Variants in MARCHF8 observed in about 807,000 individuals in gnomAD.
MARCHF8 encodes the protein E3 ubiquitin-protein ligase MARCHF8.
A neutral mutation model predicts 51.6 loss-of-function variants in MARCHF8; 40 were observed. The observed-to-expected ratio is 0.77, with a 90% CI of 0.60 to 1.01. The LOEUF is 1.01. MARCHF8 is among the 50% of genes least tolerant of loss of function. MARCHF8 has a pLI of 0.00. For synonymous variants in MARCHF8, 263 were observed against 280.3 expected, an observed-to-expected ratio of 0.94 and a Z score of 0.62; for missense variants, 685 against 708.6, an observed-to-expected ratio of 0.97 and a Z score of 0.38.
At chr10:45,567,579 C>T (rs1280354582) in intron 1 of MARCHF8, among the ~76,000 whole-genome samples, 1 of 152,104 alleles carries the variant, frequency 6.6e-6, no homozygotes, top group Non-Finnish European at 1.5e-5. Context: ...CAAAAATGAG[C>T]TCACTGTACG....
rs543575456 is a variant in MARCHF8 at position 45,528,492 on chromosome 10, C to G, written c.102+4618G>C. ...TTTGTTTGTTTTTGAAACGGTCTCA[C>G]TCTGTTACCCAGGCTGGAGCACAGT... On this transcript the variant is annotated intron_variant, in intron 2 of 7. Coordinates refer to ENST00000453424, the MANE Select transcript of MARCHF8 (RefSeq NM_001282866.2). Among the ~76,000 whole-genome samples, 15 of 152,290 alleles carry G rather than the reference C, an allele frequency of 9.8e-5. No individual in the cohort carries two copies. The South Asian group carries it at 3.1e-3, about 32-fold the overall frequency.
chr10:45,535,461 G>A (rs1220372809), upstream of MARCHF8: 1 of 152,152 alleles, frequency 6.6e-6, no homozygotes, highest in Admixed American at 6.5e-5. Context: ...GGCTATTTAT[G>A]GCACAGAAAC....
rs201393599 is a variant in MARCHF8, at chr10:45,463,383, G to A, written c.856C>T (p.Arg286Cys). ...CTGGAGGACTTGGCAGTGTGCAGGCGAGCAGCGCAGCTCTCCAGCTCATGG... is the reference window on the plus strand; with the variant it reads ...CTGGAGGACTTGGCAGTGTGCAGGCAAGCAGCGCAGCTCTCCAGCTCATGG... The part of the protein sequence containing the change: ...RFHELESCAA[R>C]LHTAKSSSGL... The change falls in exon 5 of 8, where the codon CGC becomes TGC. Residue 286 changes from arginine to cysteine, a missense_variant. Arg to Cys is a radical substitution (Grantham distance 180). Transcript: ENST00000453424. 8.2e-5 allele frequency: 127 copies of A among 1,550,572 alleles called. 1 individual carries two copies. The highest frequency in any genetic ancestry group is 8.0e-4 in the Admixed American group (41 of 50,994).
intron 1 of MARCHF8, among the ~76,000 whole-genome samples, chr10:45,561,672 G>A (rs574654429): frequency 1.8e-4 from 27 of 150,846 alleles, no homozygotes; most frequent in African/African-American, 5.6e-4. Context: ...AGGCTGAGGC[G>A]GGCAGATCAC....
rs902794189 is a variant in MARCHF8 at position 45,482,325 on chromosome 10, T to C, written c.153+7042A>G. Among the ~76,000 whole-genome samples the C allele has an allele frequency of 5.3e-5, 8 of 152,010 alleles. No individual in the cohort carries two copies. In the East Asian group the frequency reaches 9.6e-4, roughly 18 times the overall value. On this transcript the variant is annotated intron_variant, in intron 3 of 7. Transcript: ENST00000453424. Reference sequence around the variant, plus strand: ...AACAGAAAAAACAATCCTAAAACCATATGGAACCAAAAAAGAGCACAAATA... The same window carrying C: ...AACAGAAAAAACAATCCTAAAACCACATGGAACCAAAAAAGAGCACAAATA...
chr10:45,486,089 C>T (rs146253216), intron 3 of MARCHF8, among the ~76,000 whole-genome samples: 12 of 152,316 alleles, frequency 7.9e-5, no homozygotes, highest in African/African-American at 2.4e-4. Flanking sequence ...TAACTATCTT[C>T]GTTACAAAAG....
At chr10:45,530,762 G>C (rs2043865687) in intron 2 of MARCHF8, among the ~76,000 whole-genome samples, 1 of 152,122 alleles carries the variant, frequency 6.6e-6, no homozygotes, top group Admixed American at 6.5e-5. Context: ...AACAGAGCAA[G>C]ATCTGTACTC....
chr10:45,558,464 A>G (rs2044275846), intron 1 of MARCHF8, among the ~76,000 whole-genome samples: 1 of 152,250 alleles, frequency 6.6e-6, no homozygotes, highest in South Asian at 2.1e-4. Flanking sequence ...AATTAAAGGC[A>G]TTCTCAAAAG....
At chr10:45,484,959 A>C (rs181613923) in intron 3 of MARCHF8, among the ~76,000 whole-genome samples, 41 of 151,236 alleles carry the variant, frequency 2.7e-4, no homozygotes, top group Admixed American at 1.1e-3. Context: ...GAGAAGCATT[A>C]GGAATTCTAC....
At chr10:45,575,891 A>T (rs1290189160) in intron 1 of MARCHF8, among the ~76,000 whole-genome samples, 1 of 151,964 alleles carries the variant, frequency 6.6e-6, no homozygotes, top group Non-Finnish European at 1.5e-5. Flanking sequence ...CCCAATGAAC[A>T]CCTTGTGACC....
rs1309738056 is a variant in MARCHF8 at position 45,528,466 on chromosome 10, CTTTG to C, written c.102+4640_102+4643del. Among the ~76,000 whole-genome samples the C allele has an allele frequency of 4.4e-3, 674 of 151,818 alleles. 3 individuals carry two copies. The highest frequency in any genetic ancestry group is 0.015 in the African/African-American group (632 of 41,434). ...TCTTTTGTTTAGTTGGGGTTTGTTT[CTTTG>C]TTTGTTTTTGAAACGGTCTCACTCT... On this transcript the variant is annotated intron_variant, in intron 2 of 7. Coordinates refer to ENST00000453424, the MANE Select transcript of MARCHF8 (RefSeq NM_001282866.2).
At chr10:45,501,777 T>A (rs78369196) in intron 2 of MARCHF8, among the ~76,000 whole-genome samples, 4,366 of 152,174 alleles carry the variant, frequency 0.029, 229 homozygotes, top group African/African-American at 0.099. Context: ...ACAGAAAGAA[T>A]TCTTAGACCT....
intron 1 of MARCHF8, among the ~76,000 whole-genome samples, chr10:45,560,080 G>C (rs1211930962): frequency 6.6e-6 from 1 of 152,058 alleles, no homozygotes; most frequent in Non-Finnish European, 1.5e-5. Flanking sequence ...CACTAAAAGG[G>C]AGGTGAGGCT....
chr10:45,541,187 T>C (rs1478191883), intron 1 of MARCHF8, among the ~76,000 whole-genome samples: 1 of 152,234 alleles, frequency 6.6e-6, no homozygotes, highest in East Asian at 1.9e-4. Context: ...CCAACAATGA[T>C]AGACTGGATT....
rs1456514306 is a variant in MARCHF8, at chr10:45,463,756, C to T, written c.483G>A (p.Val161=). The T allele has an allele frequency of 6.4e-6, 10 of 1,551,090 alleles. No individual in the cohort carries two copies. The East Asian group carries it at 2.2e-4, about 34-fold the overall frequency. ...CTGAAGTATCCTGCGCCTTCTCACC[C>T]ACATCATTGAGGGACCTTGAGAACT... is the stretch of plus-strand genomic sequence containing the variant. The part of the protein sequence containing the change: ...TLKFSRSLND[V]GEKAQDTSES... The change falls in exon 5 of 8, where the codon GTG becomes GTA. Residue 161 remains valine, a synonymous_variant. Coordinates refer to ENST00000453424, the MANE Select transcript of MARCHF8 (RefSeq NM_001282866.2).
Position 45,489,392 on chromosome 10 carries a change from A to G in MARCHF8, c.128T>C (p.Met43Thr). 6.2e-7 allele frequency: 1 copy of G among 1,613,194 alleles called. No homozygotes were observed. The highest frequency in any genetic ancestry group is 8.5e-7 in the Non-Finnish European group (1 of 1,179,600). ...EQNEKTLGHFMSHSSNISKAG... is the reference protein window; with the variant it reads ...EQNEKTLGHFTSHSSNISKAG... Reference sequence around the variant, plus strand: ...CTTAGAAATGTTGCTTGAATGACTCATGAAATGTCCCAAAGTCTTCTCATT... The same window carrying G: ...CTTAGAAATGTTGCTTGAATGACTCGTGAAATGTCCCAAAGTCTTCTCATT... The change falls in exon 3 of 8, where the codon ATG (methionine) becomes ACG (threonine). Residue 43 changes from methionine (M) to threonine (T), a missense_variant. Met to Thr is a moderately conservative substitution (Grantham distance 81). Coordinates refer to ENST00000453424, the MANE Select transcript of MARCHF8 (RefSeq NM_001282866.2).
intron 1 of MARCHF8, among the ~76,000 whole-genome samples, chr10:45,574,968 CAAA>C (rs34058982): frequency 0.29 from 39,681 of 136,386 alleles, 5,433 homozygotes; most frequent in South Asian, 0.4. Context: ...GTTATATAGG[CAAA>C]AAAAAAAAAA....
intron 2 of MARCHF8, among the ~76,000 whole-genome samples, chr10:45,507,676 C>T (rs1391546670): frequency 6.6e-6 from 1 of 152,092 alleles, no homozygotes; most frequent in African/African-American, 2.4e-5. Flanking sequence ...TTGGGGATAA[C>T]ATTTCAATAT....
intron 1 of MARCHF8, among the ~76,000 whole-genome samples, chr10:45,548,332 T>C (rs553629944): frequency 2.0e-5 from 3 of 152,228 alleles, no homozygotes; most frequent in Admixed American, 6.5e-5. Flanking sequence ...CACAGCTGCA[T>C]GAGAGTGAGA....
Sources: gnomAD v4.1 joint callset for allele counts (sites outside exome capture counted in the v4.1 genomes callset) on GRCh38, gnomAD v4.1.1 for gene constraint, MANE v1.5 for transcripts, NCBI Gene and HGNC (gene_info 2026-07-23, HGNC 2026-07-21) for gene names.